Variants in GLS observed in about 807,000 individuals in gnomAD.
GLS encodes the protein glutaminase.
In GLS, 36 loss-of-function variants were observed where a neutral mutation model predicts 86.7. The observed-to-expected ratio is 0.42, with a 90% CI of 0.32 to 0.55. The LOEUF is 0.55. Among genes scored for constraint, GLS ranks in the 20% least tolerant of loss-of-function variants. GLS has a pLI of 0.17. For missense variants in GLS, 528 were observed against 833.4 expected (o/e 0.63, Z 4.51); for synonymous variants, 317 against 305.9 (o/e 1.04, Z -0.38).
intron 9 of GLS, among the ~76,000 whole-genome samples, chr2:190,922,502 T>C (rs946663725): frequency 2.0e-5 from 3 of 152,208 alleles, no homozygotes; most frequent in South Asian, 2.1e-4. Context: ...ATCAAACTTA[T>C]TACATGTCTC....
At position 190,905,059 on chromosome 2, in the gene GLS, T is replaced by C. The variant is rs772186294; in HGVS notation, c.871T>C (p.Leu291=). 6.2e-7 allele frequency: 1 copy of C among 1,601,202 alleles called. No individual in the cohort carries two copies. Among genetic ancestry groups the C allele is most frequent in the South Asian group, 1.1e-5 (1 of 90,844 alleles). ...CTGTCTTCAGTCCTGTGTAAAACCT[T>C]TGAAATATGCCATTGCTGTTAATGA... ...PFCLQSCVKP[L]KYAIAVNDLG... The change falls in exon 6 of 18, where the codon TTG becomes CTG. Residue 291 remains leucine, a synonymous_variant. Coordinates refer to ENST00000320717, the MANE Select transcript of GLS (RefSeq NM_014905.5). The surrounding 1 kb of genome is among the most constrained non-coding windows in gnomAD (Gnocchi z 4.6).
chr2:190,917,432 T>G (rs1387635951), intron 7 of GLS, among the ~76,000 whole-genome samples: 2 of 152,194 alleles, frequency 1.3e-5, no homozygotes, highest in Non-Finnish European at 1.5e-5. Context: ...CTTGGACCCC[T>G]CAGTCATCCA....
chr2:190,913,683 G>A lies in GLS; in HGVS notation c.1038+3362G>A. 1 of 973,728 alleles carries A rather than the reference G, an allele frequency of 1.0e-6. No individual in the cohort carries two copies. The highest frequency in any genetic ancestry group is 1.2e-6 in the Non-Finnish European group (1 of 819,458). The allele number at this position is 973,728 out of a possible 1,614,324, so 60.3% of individuals were successfully genotyped here. ...AAGTTAAGATCTGGTGATAACTTAA[G>A]GGTTAGGATAGGAAAATGAGGACAA... On this transcript the variant is annotated intron_variant, in intron 7 of 17. Coordinates refer to ENST00000320717, the MANE Select transcript of GLS (RefSeq NM_014905.5). The surrounding 1 kb of genome is among the most constrained non-coding windows in gnomAD (Gnocchi z 6.1).
In GLS at chr2:190,895,987, T is replaced by C; in HGVS notation, c.605+262T>C. 1 of 231,280 alleles carries C rather than the reference T, an allele frequency of 4.3e-6. No individual in the cohort carries two copies. The allele number at this position is 231,280 out of a possible 1,614,324, so 14.3% of individuals were successfully genotyped here. ...ACAGTACTTGGAGATTGCATTCAGT[T>C]TGAGTAGAGCACATCCTTTGTCCTG... is the stretch of plus-strand genomic sequence containing the variant. On this transcript the variant is annotated intron_variant, in intron 3 of 17. Coordinates refer to ENST00000320717, the MANE Select transcript of GLS (RefSeq NM_014905.5). This position sits in a 1 kb window ranked among gnomAD's most constrained non-coding sequence, Gnocchi z 4.2.
chr2:190,895,058 G>A lies in GLS; in HGVS notation c.387-94G>A. The A allele has an allele frequency of 4.8e-6, 3 of 627,068 alleles. No homozygotes were observed. The highest frequency in any genetic ancestry group is 8.8e-6 in the Non-Finnish European group (3 of 342,372). The allele number at this position is 627,068 out of a possible 1,614,324, so 38.8% of individuals were successfully genotyped here. On this transcript the variant is annotated intron_variant, in intron 1 of 17. Coordinates refer to ENST00000320717, the MANE Select transcript of GLS (RefSeq NM_014905.5). The surrounding 1 kb of genome is among the most constrained non-coding windows in gnomAD (Gnocchi z 4.2). Reference sequence around the variant, plus strand: ...TCTTGAGTATATGAGCTCAGCTGTAGTCTAGTTTAGTGGTTATTTAACAAT... The same window carrying A: ...TCTTGAGTATATGAGCTCAGCTGTAATCTAGTTTAGTGGTTATTTAACAAT...
chr2:190,962,076 C>G lies in GLS; in HGVS notation c.1854-754C>G, dbSNP rs754763151. Among the ~76,000 whole-genome samples, 1 of 152,230 alleles carries G rather than the reference C, an allele frequency of 6.6e-6. No homozygotes were observed. The highest frequency in any genetic ancestry group is 2.4e-5 in the African/African-American group (1 of 41,460). Reference sequence around the variant, plus strand: ...AGGGCTGTGAGTTATGTAGTTCTGTCTCCTCTTGCAAAAGACTTACCACTT... The same window carrying G: ...AGGGCTGTGAGTTATGTAGTTCTGTGTCCTCTTGCAAAAGACTTACCACTT... On this transcript the variant is annotated intron_variant, in intron 17 of 17. Transcript: ENST00000320717. The surrounding 1 kb of genome is among the most constrained non-coding windows in gnomAD (Gnocchi z 4.2).
intron 1 of GLS, among the ~76,000 whole-genome samples, chr2:190,893,170 A>G (rs1023063062): frequency 6.6e-6 from 1 of 152,166 alleles, no homozygotes; most frequent in Non-Finnish European, 1.5e-5. Flanking sequence ...TTAGGTGGTG[A>G]GTATTGTTAA....
rs1049814856 is a variant in GLS, at chr2:190,881,462, A to G, written c.378A>G (p.Ser126=). Residue 126 remains serine (S), a synonymous_variant, in exon 1 of 18, where the codon TCA becomes TCG. Transcript: ENST00000320717. ...GCGAGGGCAAAGAGCTGGTGGCCTCAGGTGAAAAGTGAGTGTCTCCGCGAG... is the reference window on the plus strand; with the variant it reads ...GCGAGGGCAAAGAGCTGGTGGCCTCGGGTGAAAAGTGAGTGTCTCCGCGAG... The part of the protein sequence containing the change: ...GNSEGKELVA[S]GENKIKQGLL... 5.2e-6 allele frequency: 8 copies of G among 1,540,166 alleles called. No individual in the cohort carries two copies. In the African/African-American group the frequency reaches 9.8e-5, roughly 19 times the overall value.
rs1689918647 is a variant in GLS at position 190,927,059 on chromosome 2, C to A, written c.1249-247C>A. The A allele has an allele frequency of 8.2e-6, 3 of 366,294 alleles. No homozygotes were observed. In the South Asian group the frequency reaches 1.8e-4, roughly 22 times the overall value. The allele number at this position is 366,294 out of a possible 1,614,324, so 22.7% of individuals were successfully genotyped here. A position where few individuals can be genotyped will look rare whatever the true frequency, so the allele number is the denominator to read the frequency against. On this transcript the variant is annotated intron_variant, in intron 11 of 17. Coordinates refer to ENST00000320717, the MANE Select transcript of GLS (RefSeq NM_014905.5). ...AATAACAAATCTTAGTGTTTAGAGG[C>A]TGGCACTTCCTAGTCTAGTTCTGCC...
At chr2:190,948,996 C>G (rs186870216) in intron 14 of GLS, among the ~76,000 whole-genome samples, 1 of 152,060 alleles carries the variant, frequency 6.6e-6, no homozygotes, top group Non-Finnish European at 1.5e-5. Context: ...GAATGCTGGG[C>G]TGGGATGGCC....
At chr2:190,933,615 GGTTA>G (rs1291340958) in intron 14 of GLS, 2 of 945,064 alleles carry the variant, frequency 2.1e-6, no homozygotes, top group African/African-American at 1.8e-5. Context: ...AAGCTATAAT[GGTTA>G]GTTACTCAGA....
At chr2:190,907,625 T>TATTA (rs34322022) in intron 6 of GLS, among the ~76,000 whole-genome samples, 13,221 of 152,254 alleles carry the variant, frequency 0.087, 744 homozygotes, top group Middle Eastern at 0.13. Context: ...TTTTTATCAT[T>TATTA]ATAAGTGAGC....
intron 14 of GLS, chr2:190,933,705 T>C: frequency 1.1e-6 from 1 of 903,912 alleles, no homozygotes; most frequent in African/African-American, 1.8e-5. Flanking sequence ...CATAACTTTT[T>C]CTATGTTATA....
chr2:190,916,914 C>G (rs921778570), intron 7 of GLS, among the ~76,000 whole-genome samples: 8 of 152,082 alleles, frequency 5.3e-5, no homozygotes. Context: ...TAAGGATCAT[C>G]GGAGCCTTCA....
At chr2:190,939,650 A>G (rs1431338580) in intron 14 of GLS, among the ~76,000 whole-genome samples, 2 of 151,672 alleles carry the variant, frequency 1.3e-5, no homozygotes, top group African/African-American at 4.8e-5. Context: ...TATGTGTTAT[A>G]TGTGTTTATA....
chr2:190,940,713 C>G (rs1024371863), intron 14 of GLS, among the ~76,000 whole-genome samples: 5 of 151,332 alleles, frequency 3.3e-5, no homozygotes, highest in African/African-American at 1.2e-4. Flanking sequence ...TCAATATTTT[C>G]AATCCCTGTT....
rs761616633 is a variant in GLS, at chr2:190,949,767, G to C, written c.1651-3798G>C. ...ATTTAATACCCAAAATTGAATATTTGATGCCTTGAGGGAGAATATTCACTT... is the reference window on the plus strand; with the variant it reads ...ATTTAATACCCAAAATTGAATATTTCATGCCTTGAGGGAGAATATTCACTT... On this transcript the variant is annotated intron_variant, in intron 14 of 17. Coordinates refer to ENST00000320717, the MANE Select transcript of GLS (RefSeq NM_014905.5). This position sits in a 1 kb window ranked among gnomAD's most constrained non-coding sequence, Gnocchi z 4.0. Among the ~76,000 whole-genome samples, 4 of 152,044 alleles carry C rather than the reference G, an allele frequency of 2.6e-5. No homozygotes were observed. The highest frequency in any genetic ancestry group is 4.4e-5 in the Non-Finnish European group (3 of 67,998).
At chr2:190,934,490 A>C in intron 14 of GLS, 1 of 981,238 alleles carries the variant, frequency 1.0e-6, no homozygotes, top group Non-Finnish European at 1.2e-6. Context: ...TGCATATCCT[A>C]ACTGGATGCT....
intron 14 of GLS, among the ~76,000 whole-genome samples, chr2:190,941,246 G>A (rs1463106597): frequency 6.6e-6 from 1 of 152,116 alleles, no homozygotes; most frequent in African/African-American, 2.4e-5. Context: ...GGTAATAAGT[G>A]ATTTGTTAAT....
Sources: allele counts gnomAD v4.1 joint callset (sites outside exome capture counted in the v4.1 genomes callset), GRCh38; gene constraint gnomAD v4.1.1; non-coding constraint Gnocchi (gnomAD v3.1); transcripts MANE v1.5; gene names NCBI Gene and HGNC (gene_info 2026-07-23, HGNC 2026-07-21).